CRADD: variants seen among roughly 807,000 people sequenced by gnomAD.
CRADD encodes death domain-containing protein CRADD.
CRADD carries 9 observed loss-of-function variants against 15.5 expected under a neutral mutation model. The ratio of observed to expected loss-of-function variants is 0.58; its 90% CI spans 0.35 to 1.01. The LOEUF (loss-of-function observed/expected upper bound fraction) is 1.01. Among genes scored for constraint, CRADD ranks in the 50% least tolerant of loss-of-function variants. The pLI is 0.02. For synonymous variants in CRADD, 118 were observed against 107.6 expected (o/e 1.10, Z -0.60); for missense variants, 227 against 250.3 (o/e 0.91, Z 0.63).
chr12:93,815,489 ATTTTC>A (rs1286767522), intron 2 of CRADD: 1 of 152,006 alleles, frequency 6.6e-6, no homozygotes, highest in Admixed American at 6.5e-5. Flanking sequence ...TCTGTAAGCT[ATTTTC>A]TTTTCATTTC....
At chr12:93,868,714 A>ACACACACACAC (rs113788800) in intron 2 of CRADD, among the ~76,000 whole-genome samples, 1 of 151,582 alleles carries the variant, frequency 6.6e-6, no homozygotes, top group African/African-American at 2.4e-5. Flanking sequence ...ACACACACAC[A>ACACACACACAC]AGAAGGACCA....
At chr12:93,858,000 C>T (rs889791524) in intron 2 of CRADD, among the ~76,000 whole-genome samples, 1 of 152,200 alleles carries the variant, frequency 6.6e-6, no homozygotes, top group East Asian at 1.9e-4. Flanking sequence ...TTCTGTCAGC[C>T]TCTGGAAGTA....
At chr12:93,714,836 G>T (rs533175848) in intron 2 of CRADD, 1 of 152,174 alleles carries the variant, frequency 6.6e-6, no homozygotes, top group Non-Finnish European at 1.5e-5. Flanking sequence ...GGGCAGAATT[G>T]TCTCATGGCC....
chr12:93,810,551 C>CAAAAAAAAAAAAAAAAAAAAAAA (rs56689824), intron 2 of CRADD, among the ~76,000 whole-genome samples: 1 of 39,028 alleles, frequency 2.6e-5, no homozygotes, highest in African/African-American at 9.2e-5. Context: ...AAATCAGTCT[C>CAAAAAAAAAAAAAAAAAAAAAAA]AAAAAAAAAA....
intron 2 of CRADD, among the ~76,000 whole-genome samples, chr12:93,845,443 G>T (rs980028944): frequency 3.4e-4 from 51 of 152,130 alleles, no homozygotes; most frequent in African/African-American, 1.2e-3. Context: ...CAGCTTGTTG[G>T]CTGAGCACAG....
Position 93,850,405 on chromosome 12 carries a change from CAG to C in CRADD, c.*135_*136del. 7.2e-7 allele frequency: 1 copy of C among 1,394,518 alleles called. No homozygotes were observed. Among genetic ancestry groups the C allele is most frequent in the Non-Finnish European group, 9.2e-7 (1 of 1,081,622 alleles). The allele number at this position is 1,394,518 out of a possible 1,614,324, so 86.4% of individuals were successfully genotyped here. ...ATGATCTTCAGATGGAAGGAGAAAACAGGGTTTCCACTAGACATTACTTGAAA... is the reference window on the plus strand; with the variant it reads ...ATGATCTTCAGATGGAAGGAGAAAACGGTTTCCACTAGACATTACTTGAAA... On this transcript the variant is annotated 3_prime_UTR_variant, in exon 3 of 3. Transcript: ENST00000332896. This position sits in a 1 kb window ranked among gnomAD's most constrained non-coding sequence, Gnocchi z 4.0.
intron 2 of CRADD, among the ~76,000 whole-genome samples, chr12:93,716,687 A>G (rs74647576): frequency 6.6e-6 from 1 of 152,072 alleles, no homozygotes; most frequent in Non-Finnish European, 1.5e-5. Context: ...AGTTCCCCCC[A>G]TGTTTTTTCA....
chr12:93,810,551 CAAAAAAAAAAAAAAAAAAAAAA>C lies in CRADD; in HGVS notation c.299-39400_299-39379del, dbSNP rs56689824. Among the ~76,000 whole-genome samples, 98 of 39,068 alleles carry C rather than the reference CAAAAAAAAAAAAAAAAAAAAAA, an allele frequency of 2.5e-3. 1 individual carries two copies. Among genetic ancestry groups the C allele is most frequent in the Non-Finnish European group, 3.7e-3 (82 of 21,884 alleles). The allele number at this position is 39,068 out of a possible 152,430, so 25.6% of individuals were successfully genotyped here. A position where few individuals can be genotyped will look rare whatever the true frequency, so the allele number is the denominator to read the frequency against. ...GGGCAACAAGAGCGCAAATCAGTCT[CAAAAAAAAAAAAAAAAAAAAAA>C]AAAAAAAAAAAAAAAAAAGAATAGG... is the stretch of plus-strand genomic sequence containing the variant. On this transcript the variant is annotated intron_variant, in intron 2 of 2. Coordinates refer to ENST00000332896, the MANE Select transcript of CRADD (RefSeq NM_003805.5).
chr12:93,702,975 TC>T (rs1472567029), intron 2 of CRADD, among the ~76,000 whole-genome samples: 22 of 152,276 alleles, frequency 1.4e-4, no homozygotes, highest in African/African-American at 5.3e-4. Context: ...TTTTGTTCAA[TC>T]CAGTCAGGAA....
intron 2 of CRADD, chr12:93,738,435 C>T (rs1425442534): frequency 1.4e-6 from 1 of 702,346 alleles, no homozygotes. Flanking sequence ...GAGAATTGAG[C>T]CTGCCCACTC....
chr12:93,691,543 C>G (rs903836779), intron 2 of CRADD, among the ~76,000 whole-genome samples: 1 of 152,134 alleles, frequency 6.6e-6, no homozygotes, highest in Admixed American at 6.5e-5. Flanking sequence ...CATGAGCCAC[C>G]GTGCCTGGCC....
In CRADD at chr12:93,722,691, T is replaced by C. The variant is rs375006576; in HGVS notation, c.298+43619T>C. Among the ~76,000 whole-genome samples, 22 of 152,276 alleles carry C rather than the reference T, an allele frequency of 1.4e-4. 3 individuals are homozygous for C. The highest frequency in any genetic ancestry group is 1.4e-3 in the Admixed American group (21 of 15,290). ...CTTAACATTTTTTTTTCTTAAGATTTCTATTTCTTTGGTTACATTGCCTAT... is the reference window on the plus strand; with the variant it reads ...CTTAACATTTTTTTTTCTTAAGATTCCTATTTCTTTGGTTACATTGCCTAT... On this transcript the variant is annotated intron_variant, in intron 2 of 2. Transcript: ENST00000332896.
At chr12:93,891,948 A>G (rs1269129550) in intron 2 of CRADD, among the ~76,000 whole-genome samples, 1 of 152,156 alleles carries the variant, frequency 6.6e-6, no homozygotes, top group Non-Finnish European at 1.5e-5. Context: ...ACTTTCTGTT[A>G]TCCATTTCAA....
chr12:93,874,264 G>A (rs1366749756), intron 2 of CRADD, among the ~76,000 whole-genome samples: 1 of 151,886 alleles, frequency 6.6e-6, no homozygotes, highest in African/African-American at 2.4e-5. Context: ...ATGGTCCTTT[G>A]AAATTCTGTT....
chr12:93,797,020 T>C (rs1378250783), intron 2 of CRADD, among the ~76,000 whole-genome samples: 2 of 152,146 alleles, frequency 1.3e-5, no homozygotes, highest in African/African-American at 4.8e-5. Flanking sequence ...TCCTTACAAA[T>C]ATTCGGAGGT....
intron 2 of CRADD, among the ~76,000 whole-genome samples, chr12:93,883,511 C>T (rs1434274664): frequency 6.6e-6 from 1 of 152,156 alleles, no homozygotes; most frequent in East Asian, 1.9e-4. Context: ...CCATCTCAGA[C>T]CTCAAGGACT....
intron 2 of CRADD, among the ~76,000 whole-genome samples, chr12:93,830,368 A>C (rs754573293): frequency 1.3e-5 from 2 of 152,228 alleles, no homozygotes; most frequent in Non-Finnish European, 2.9e-5. Flanking sequence ...TTAGTGGAAC[A>C]TGAAATCAAT....
At position 93,850,601 on chromosome 12, in the gene CRADD, A is replaced by G; in HGVS notation, c.*330A>G. On this transcript the variant is annotated 3_prime_UTR_variant, in exon 3 of 3. Coordinates refer to ENST00000332896, the MANE Select transcript of CRADD (RefSeq NM_003805.5). The surrounding 1 kb of genome is among the most constrained non-coding windows in gnomAD (Gnocchi z 4.0). ...TATATCCATATATATATATATCCATATATATATCTCATGTCATCACATTAC... is the reference window on the plus strand; with the variant it reads ...TATATCCATATATATATATATCCATGTATATATCTCATGTCATCACATTAC... The G allele has an allele frequency of 1.4e-5, 13 of 916,120 alleles. No homozygotes were observed. The highest frequency in any genetic ancestry group is 1.7e-5 in the Non-Finnish European group (13 of 763,182). The allele number at this position is 916,120 out of a possible 1,614,324, so 56.7% of individuals were successfully genotyped here.
chr12:93,784,225 TACTC>T (rs1439774451), intron 2 of CRADD, among the ~76,000 whole-genome samples: 3 of 152,178 alleles, frequency 2.0e-5, no homozygotes, highest in East Asian at 3.9e-4. Context: ...GACAAAATTT[TACTC>T]ACACTCAGGG....
Sources: allele counts gnomAD v4.1 joint callset (sites outside exome capture counted in the v4.1 genomes callset), GRCh38; gene constraint gnomAD v4.1.1; non-coding constraint Gnocchi (gnomAD v3.1); transcripts MANE v1.5; gene names NCBI Gene and HGNC (gene_info 2026-07-23, HGNC 2026-07-21).